The following ANK3 variants were observed in gnomAD, a reference collection of about 807,000 sequenced individuals.
ANK3 encodes ankyrin 3.
Under a neutral mutation model 370.9 loss-of-function variants are expected in ANK3, and 57 were observed. The observed-to-expected ratio is 0.15, with a 90% CI of 0.12 to 0.19. The LOEUF is 0.19. Among genes scored for constraint, ANK3 ranks in the 10% least tolerant of loss-of-function variants. The pLI, the probability that ANK3 is intolerant of heterozygous loss-of-function variation, is 1.00. For synonymous variants in ANK3, 1,929 were observed against 1,946.3 expected, an observed-to-expected ratio of 0.99 and a Z score of 0.23; for missense variants, 4,439 against 5,302.1, an observed-to-expected ratio of 0.84 and a Z score of 5.06.
At chr10:60,163,919 T>C (rs999952431) in intron 23 of ANK3, among the ~76,000 whole-genome samples, 1 of 152,208 alleles carries the variant, frequency 6.6e-6, no homozygotes, top group African/African-American at 2.4e-5. Flanking sequence ...CACTAGTTCT[T>C]GTAGATAGTT....
intron 18 of ANK3, among the ~76,000 whole-genome samples, chr10:60,175,344 C>T (rs1194767979): frequency 6.6e-6 from 1 of 152,184 alleles, no homozygotes; most frequent in Non-Finnish European, 1.5e-5. Context: ...CATTCCCATA[C>T]AAAATAGCAC....
At chr10:60,302,675 G>A (rs549445424) in intron 1 of ANK3, among the ~76,000 whole-genome samples, 161 of 152,198 alleles carry the variant, frequency 1.1e-3, no homozygotes, top group Non-Finnish European at 1.7e-3. Context: ...AATAGTAAAC[G>A]TATGTCTTCT....
At chr10:60,633,252 A>C (rs1362848175) in intron 1 of ANK3, among the ~76,000 whole-genome samples, 2 of 152,214 alleles carry the variant, frequency 1.3e-5, no homozygotes, top group Non-Finnish European at 2.9e-5. Flanking sequence ...AGCAAAGCTT[A>C]AGACATTTTA....
intron 42 of ANK3, among the ~76,000 whole-genome samples, chr10:60,054,499 T>G (rs2078736821): frequency 6.6e-6 from 1 of 152,108 alleles, no homozygotes; most frequent in Non-Finnish European, 1.5e-5. Context: ...AAATCTTATA[T>G]CAAAGCAACT....
In ANK3 at chr10:60,083,459, T is replaced by A. The variant is rs745457576; in HGVS notation, c.4200+33A>T. ...ATTCTCTAAGAGTATTTTTTCCCCA[T>A]AATTCACAGATTCTCTGTTAAAGAT... is the stretch of plus-strand genomic sequence containing the variant. On this transcript the variant is annotated intron_variant, in intron 33 of 43. Transcript: ENST00000280772. 1.3e-5 allele frequency: 21 copies of A among 1,592,784 alleles called. No individual in the cohort carries two copies. In the South Asian group the frequency reaches 2.4e-4, roughly 18 times the overall value.
At position 60,071,401 on chromosome 10, in the gene ANK3, G is replaced by A. The variant is rs1176377987; in HGVS notation, c.9480C>T (p.Asp3160=). 3 of 1,614,108 alleles carry A rather than the reference G, an allele frequency of 1.9e-6. No individual in the cohort carries two copies. Among genetic ancestry groups the A allele is most frequent in the South Asian group, 2.2e-5 (2 of 91,080 alleles). The part of the protein sequence containing the change: ...DDTLEQVSFL[D]SSGKSPLTPE... ...GGGTTAAAGGGCTTTTCCCAGAGCT[G>A]TCTAGAAAGGATACTTGCTCTAGAG... Residue 3160 remains aspartate (D), a synonymous_variant, in exon 37 of 44, where the codon GAC becomes GAT. Transcript: ENST00000280772.
intron 1 of ANK3, among the ~76,000 whole-genome samples, chr10:60,670,831 C>T (rs1262406892): frequency 5.9e-5 from 9 of 152,200 alleles, no homozygotes; most frequent in South Asian, 2.1e-4. Flanking sequence ...GAGTGTTGTG[C>T]GGCACTTCTG....
At chr10:60,497,132 T>C (rs912032674) in intron 2 of ANK3, among the ~76,000 whole-genome samples, 15 of 151,978 alleles carry the variant, frequency 9.9e-5, no homozygotes, top group African/African-American at 3.6e-4. Flanking sequence ...TGAGATGCTG[T>C]CACTATAAAG....
intron 8 of ANK3, among the ~76,000 whole-genome samples, chr10:60,225,162 G>A (rs987945003): frequency 3.3e-5 from 5 of 152,016 alleles, no homozygotes; most frequent in African/African-American, 9.6e-5. Context: ...ATCCTCTCAC[G>A]TCAGCTTCCA....
chr10:60,615,269 C>T, intron 1 of ANK3: 1 of 1,385,008 alleles, frequency 7.2e-7, no homozygotes. Context: ...TGAAAGAATT[C>T]CATATATTTA....
chr10:60,301,413 A>ATT (rs769439635), intron 1 of ANK3, among the ~76,000 whole-genome samples: 5 of 123,792 alleles, frequency 4.0e-5, no homozygotes, highest in South Asian at 2.6e-4. Flanking sequence ...CACAATATAC[A>ATT]TTTTTTTTTT....
rs2076646982 is a variant in ANK3 at position 60,533,157 on chromosome 10, A to C, written c.96+82029T>G. ...ACCCTTGCTGCTCAATTTGGACACG[A>C]CTGGACCAAAAGGAACTGGTACCAG... On this transcript the variant is annotated intron_variant, in intron 2 of 43. Transcript: ENST00000373827. Among the ~76,000 whole-genome samples, 2 of 152,132 alleles carry C rather than the reference A, an allele frequency of 1.3e-5. 1 individual carries two copies. Among genetic ancestry groups the C allele is most frequent in the South Asian group, 4.1e-4 (2 of 4,832 alleles).
intron 43 of ANK3, among the ~76,000 whole-genome samples, chr10:60,039,596 G>A (rs1403991218): frequency 2.0e-5 from 3 of 152,134 alleles, no homozygotes; most frequent in South Asian, 2.1e-4. Flanking sequence ...ATTAATATAA[G>A]TAGTAGTTAA....
intron 1 of ANK3, among the ~76,000 whole-genome samples, chr10:60,648,767 TAAAA>T (rs796546062): frequency 3.6e-5 from 4 of 112,252 alleles, no homozygotes; most frequent in African/African-American, 1.0e-4. Flanking sequence ...AAGACTGTCT[TAAAA>T]AAAAAAAAAA....
At chr10:60,137,413 A>T (rs1242388666) in intron 24 of ANK3, 12 of 328,552 alleles carry the variant, frequency 3.7e-5, no homozygotes, top group Non-Finnish European at 6.6e-5. Context: ...AAAGCAAAAA[A>T]TCAGACAGGG....
intron 9 of ANK3, among the ~76,000 whole-genome samples, chr10:60,210,715 C>T (rs1330396666): frequency 1.3e-5 from 2 of 152,280 alleles, no homozygotes; most frequent in South Asian, 4.1e-4. Context: ...TTCCCACACA[C>T]ACAATGGGGA....
chr10:60,059,825 A>C (rs369435203), intron 40 of ANK3: 1 of 1,614,250 alleles, frequency 6.2e-7, no homozygotes, highest in Non-Finnish European at 8.5e-7. Context: ...CTGGAGGTCC[A>C]TCTGCGGAAT....
intron 42 of ANK3, chr10:60,051,427 G>C (rs1448680555): frequency 1.2e-6 from 1 of 868,400 alleles, no homozygotes. Context: ...CAAGGAAGGA[G>C]TTTCTAATAG....
chr10:60,626,361 TAAC>T (rs897113366), intron 1 of ANK3, among the ~76,000 whole-genome samples: 93 of 152,310 alleles, frequency 6.1e-4, no homozygotes, highest in African/African-American at 2.2e-3. Flanking sequence ...GTAGGTCTAA[TAAC>T]AACTATAATT....
Sources: gnomAD v4.1 joint callset for allele counts (sites outside exome capture counted in the v4.1 genomes callset) on GRCh38, gnomAD v4.1.1 for gene constraint, MANE v1.5 for transcripts, NCBI Gene and HGNC (gene_info 2026-07-23, HGNC 2026-07-21) for gene names.